Variants in SUSD6 observed in about 807,000 individuals in gnomAD.
SUSD6 encodes the protein sushi domain containing 6.
In SUSD6, 16 loss-of-function variants were observed where a neutral mutation model predicts 28.4. The observed-to-expected ratio is 0.56, with a 90% confidence interval of 0.38 to 0.86. The LOEUF is 0.86. Ranked by LOEUF, SUSD6 falls within the 40% of genes least tolerant of loss-of-function variation. SUSD6 has a pLI of 0.00. For synonymous variants in SUSD6, 147 were observed against 159.6 expected (o/e 0.92, Z 0.59); for missense variants, 341 against 384.2 (o/e 0.89, Z 0.94).
chr14:69,697,023 A>C (rs1214831052), intron 2 of SUSD6, among the ~76,000 whole-genome samples: 2 of 152,206 alleles, frequency 1.3e-5, no homozygotes, highest in East Asian at 3.8e-4. Context: ...GCTAAACAAG[A>C]GGTGGATTAT....
chr14:69,708,965 T>A lies in SUSD6; in HGVS notation c.747T>A (p.Thr249=). ...CCTGGGGCTCTCGGGCCTCAGAGAC[T>A]GTGATGGTGCATCAGGCAACCACCT... is the stretch of plus-strand genomic sequence containing the variant. The part of the protein sequence containing the change: ...CEAWGSRASE[T]VMVHQATTSS... The change falls in exon 5 of 6, where the codon ACT becomes ACA. Residue 249 remains threonine (T), a synonymous_variant. Transcript: ENST00000342745. 2 of 1,614,174 alleles carry A rather than the reference T, an allele frequency of 1.2e-6. No individual in the cohort carries two copies. Among genetic ancestry groups the A allele is most frequent in the Non-Finnish European group, 8.5e-7 (1 of 1,180,036 alleles).
At chr14:69,699,567 T>C (rs1886283642) in intron 2 of SUSD6, among the ~76,000 whole-genome samples, 1 of 152,046 alleles carries the variant, frequency 6.6e-6, no homozygotes, top group Non-Finnish European at 1.5e-5. Context: ...CCCTTTCTTC[T>C]TAGGCATCCT....
chr14:69,628,764 A>C (rs921333555), intron 1 of SUSD6, among the ~76,000 whole-genome samples: 2 of 141,356 alleles, frequency 1.4e-5, no homozygotes, highest in African/African-American at 5.3e-5. Context: ...TCTGTTGTCC[A>C]GGCTGGAGTG....
chr14:69,690,892 C>G (rs1886143330), intron 2 of SUSD6, among the ~76,000 whole-genome samples: 2 of 152,156 alleles, frequency 1.3e-5, no homozygotes, highest in African/African-American at 2.4e-5. Context: ...TGGCTTCGTC[C>G]AGCCTTCTCC....
At chr14:69,658,232 G>A (rs975778669) in intron 1 of SUSD6, among the ~76,000 whole-genome samples, 2 of 152,194 alleles carry the variant, frequency 1.3e-5, no homozygotes, top group African/African-American at 2.4e-5. Flanking sequence ...CCAGGCAGGC[G>A]GTGGGGCAGA....
In SUSD6 at chr14:69,696,129, C is replaced by T. The variant is rs114159374; in HGVS notation, c.122-7266C>T. ...AGAACCTGGCAGGTTTCCTGATGCCCTGCCCCCCTCAGCAGGCCCCGGCTT... is the reference window on the plus strand; with the variant it reads ...AGAACCTGGCAGGTTTCCTGATGCCTTGCCCCCCTCAGCAGGCCCCGGCTT... On this transcript the variant is annotated intron_variant, in intron 2 of 5. Coordinates refer to ENST00000342745, the MANE Select transcript of SUSD6 (RefSeq NM_014734.4). Among the ~76,000 whole-genome samples, 881 of 152,322 alleles carry T rather than the reference C, an allele frequency of 5.8e-3. 6 individuals are homozygous for T. Among genetic ancestry groups the T allele is most frequent in the African/African-American group, 0.019 (777 of 41,578 alleles).
At chr14:69,623,560 A>C (rs1885072777) in intron 1 of SUSD6, among the ~76,000 whole-genome samples, 1 of 152,230 alleles carries the variant, frequency 6.6e-6, no homozygotes, top group South Asian at 2.1e-4. Flanking sequence ...CCTTCTACTT[A>C]GGAAAAAACT....
intron 1 of SUSD6, among the ~76,000 whole-genome samples, chr14:69,657,403 C>T (rs111975000): frequency 0.01 from 1,546 of 151,618 alleles, 35 homozygotes; most frequent in African/African-American, 0.035. Flanking sequence ...TGCAGTGAGC[C>T]AAGATTGTGC....
intron 1 of SUSD6, among the ~76,000 whole-genome samples, chr14:69,635,068 G>A (rs921126217): frequency 3.3e-5 from 5 of 152,156 alleles, no homozygotes; most frequent in South Asian, 2.1e-4. Flanking sequence ...TGATGATGAC[G>A]ACGATGAAGA....
intron 2 of SUSD6, among the ~76,000 whole-genome samples, chr14:69,699,038 C>A (rs1211733243): frequency 6.6e-6 from 1 of 152,200 alleles, no homozygotes; most frequent in African/African-American, 2.4e-5. Flanking sequence ...CTTGCCTAGA[C>A]TGTGGCTTCT....
chr14:69,626,341 ATACT>A (rs141241046), intron 1 of SUSD6, among the ~76,000 whole-genome samples: 3,327 of 152,252 alleles, frequency 0.022, 131 homozygotes, highest in African/African-American at 0.076. Context: ...GGGTCATGAA[ATACT>A]TACCAATTAG....
chr14:69,638,707 T>C lies in SUSD6; in HGVS notation c.-80-19806T>C, dbSNP rs537893867. Among the ~76,000 whole-genome samples, 302 of 152,342 alleles carry C rather than the reference T, an allele frequency of 2.0e-3. 1 individual carries two copies. The highest frequency in any genetic ancestry group is 3.4e-3 in the Middle Eastern group (1 of 294). On this transcript the variant is annotated intron_variant, in intron 1 of 5. Coordinates refer to ENST00000342745, the MANE Select transcript of SUSD6 (RefSeq NM_014734.4). ...AGCTCCCAGGTGCTGCCAGTGCTGC[T>C]GTTAATGGACCATACTTTGAATAGT...
chr14:69,694,495 C>T (rs776737955), intron 2 of SUSD6, among the ~76,000 whole-genome samples: 2 of 152,206 alleles, frequency 1.3e-5, no homozygotes, highest in African/African-American at 4.8e-5. Flanking sequence ...CATTGTTTCT[C>T]TCTGGCCATG....
intron 1 of SUSD6, among the ~76,000 whole-genome samples, chr14:69,644,760 A>G (rs1885403133): frequency 6.6e-6 from 1 of 152,120 alleles, no homozygotes; most frequent in Non-Finnish European, 1.5e-5. Flanking sequence ...TTACTTTTGG[A>G]ATCTCTATTT....
intron 1 of SUSD6, among the ~76,000 whole-genome samples, chr14:69,636,482 A>G (rs1403407862): frequency 2.0e-5 from 3 of 152,254 alleles, no homozygotes; most frequent in Non-Finnish European, 4.4e-5. Context: ...CTGGTTTGGC[A>G]GTACCTCAGA....
intron 1 of SUSD6, among the ~76,000 whole-genome samples, chr14:69,632,977 T>C (rs1885216787): frequency 6.6e-6 from 1 of 152,200 alleles, no homozygotes; most frequent in Non-Finnish European, 1.5e-5. Context: ...TCTTGCCAGG[T>C]TCACCCTGCT....
intron 1 of SUSD6, among the ~76,000 whole-genome samples, chr14:69,639,244 C>T (rs1359409674): frequency 4.8e-5 from 6 of 126,290 alleles, no homozygotes; most frequent in Non-Finnish European, 6.3e-5. Flanking sequence ...AGGAGAATGG[C>T]GTGAACCCGG....
Position 69,663,174 on chromosome 14 carries a change from A to G in SUSD6, c.121+4461A>G, listed in dbSNP as rs143595212. Among the ~76,000 whole-genome samples the G allele has an allele frequency of 4.1e-3, 623 of 152,312 alleles. 3 individuals are homozygous for G. Among genetic ancestry groups the G allele is most frequent in the Non-Finnish European group, 6.9e-3 (466 of 68,028 alleles). Reference sequence around the variant, plus strand: ...GTTTGCATAGTTTGATCTTAATCCAACTGGCTTGCTGACTCATAAAAAGTT... The same window carrying G: ...GTTTGCATAGTTTGATCTTAATCCAGCTGGCTTGCTGACTCATAAAAAGTT... On this transcript the variant is annotated intron_variant, in intron 2 of 5. Transcript: ENST00000342745.
intron 1 of SUSD6, among the ~76,000 whole-genome samples, chr14:69,641,323 G>A (rs959272565): frequency 2.0e-5 from 3 of 151,972 alleles, no homozygotes; most frequent in Non-Finnish European, 4.4e-5. Flanking sequence ...AAAATTTGGG[G>A]CATTCTTTTC....
Sources: gnomAD v4.1 joint callset for allele counts (sites outside exome capture counted in the v4.1 genomes callset) on GRCh38, gnomAD v4.1.1 for gene constraint, MANE v1.5 for transcripts, NCBI Gene and HGNC (gene_info 2026-07-23, HGNC 2026-07-21) for gene names.